The following INSC variants were observed in gnomAD, a reference collection of about 807,000 sequenced individuals.
INSC encodes the protein protein inscuteable homolog.
A neutral mutation model predicts 58.6 loss-of-function variants in INSC; 67 were observed. The ratio of observed to expected loss-of-function variants is 1.14; its 90% CI spans 0.94 to 1.40. The LOEUF is 1.40. INSC is among the 40% of genes most tolerant of loss of function. INSC has a pLI of 0.00. For synonymous variants in INSC, 262 were observed against 276.1 expected (o/e 0.95, Z 0.51); for missense variants, 714 against 692.0 (o/e 1.03, Z -0.36).
At chr11:15,151,424 A>G (rs1054607405) in intron 2 of INSC, among the ~76,000 whole-genome samples, 1 of 151,960 alleles carries the variant, frequency 6.6e-6, no homozygotes, top group Non-Finnish European at 1.5e-5. Flanking sequence ...TCTCCCTCCC[A>G]CCAGGTAGTG....
intron 7 of INSC, among the ~76,000 whole-genome samples, chr11:15,217,766 T>G (rs907145993): frequency 3.3e-5 from 5 of 151,948 alleles, no homozygotes; most frequent in Non-Finnish European, 7.4e-5. Flanking sequence ...ACAAACCAAA[T>G]CAAAGCAAAA....
intron 9 of INSC, among the ~76,000 whole-genome samples, chr11:15,227,274 G>A (rs772674573): frequency 6.6e-6 from 1 of 152,174 alleles, no homozygotes. Flanking sequence ...GGTCCTGCCT[G>A]GGCCATTTAT....
intron 1 of INSC, among the ~76,000 whole-genome samples, chr11:15,134,470 C>G (rs1848195582): frequency 1.3e-5 from 2 of 152,176 alleles, no homozygotes; most frequent in South Asian, 4.1e-4. Context: ...ATTGATAGGA[C>G]TTAAATGTTT....
At chr11:15,134,719 C>A (rs1156637756) in intron 1 of INSC, among the ~76,000 whole-genome samples, 1 of 152,148 alleles carries the variant, frequency 6.6e-6, no homozygotes, top group African/African-American at 2.4e-5. Context: ...GTTGCTATGA[C>A]CCCCCAATAT....
intron 12 of INSC, among the ~76,000 whole-genome samples, chr11:15,243,073 A>G (rs1852419482): frequency 6.6e-6 from 1 of 152,102 alleles, no homozygotes; most frequent in South Asian, 2.1e-4. Flanking sequence ...TTGTATATCC[A>G]TGGGACCTTG....
intron 1 of INSC, among the ~76,000 whole-genome samples, chr11:15,120,039 G>A (rs1294614680): frequency 6.6e-6 from 1 of 152,148 alleles, no homozygotes; most frequent in Non-Finnish European, 1.5e-5. Flanking sequence ...CTCATCCTTG[G>A]GCACACTGTG....
intron 12 of INSC, among the ~76,000 whole-genome samples, chr11:15,244,870 A>G (rs994850062): frequency 1.3e-5 from 2 of 152,176 alleles, no homozygotes; most frequent in African/African-American, 4.8e-5. Flanking sequence ...GAAGAAATTA[A>G]TATTTATCAA....
chr11:15,200,228 T>G (rs1171579828), intron 6 of INSC, among the ~76,000 whole-genome samples: 1 of 151,912 alleles, frequency 6.6e-6, no homozygotes, highest in African/African-American at 2.4e-5. Context: ...GATGTGAATT[T>G]AGGCTGAATT....
intron 5 of INSC, among the ~76,000 whole-genome samples, chr11:15,179,115 C>T (rs983548002): frequency 2.0e-5 from 3 of 152,170 alleles, no homozygotes; most frequent in Admixed American, 2.0e-4. Flanking sequence ...ACCATGGAGC[C>T]TCAGTTAAGT....
the INSC span, among the ~76,000 whole-genome samples, chr11:15,268,294 C>T: frequency 1.3e-5 from 2 of 152,126 alleles, no homozygotes; most frequent in African/African-American, 4.8e-5. Flanking sequence ...CTATTAATTA[C>T]AAAACTCAGA....
intron 1 of INSC, among the ~76,000 whole-genome samples, chr11:15,128,118 A>G (rs887917372): frequency 6.6e-6 from 1 of 152,048 alleles, no homozygotes; most frequent in African/African-American, 2.4e-5. Flanking sequence ...CAAAGTACAG[A>G]GTTGAAAAAA....
At chr11:15,242,979 C>T (rs1446766428) in intron 12 of INSC, among the ~76,000 whole-genome samples, 1 of 152,224 alleles carries the variant, frequency 6.6e-6, no homozygotes, top group Non-Finnish European at 1.5e-5. Flanking sequence ...GCACTGGTCT[C>T]CAGCACTGAC....
rs185681439 is a variant in INSC, at chr11:15,181,252, T to C, written c.579+2805T>C. Among the ~76,000 whole-genome samples, 108 of 152,354 alleles carry C rather than the reference T, an allele frequency of 7.1e-4. 1 individual carries two copies. The Middle Eastern group carries it at 0.014, about 19-fold the overall frequency. On this transcript the variant is annotated intron_variant, in intron 5 of 12. Coordinates refer to ENST00000379556, the MANE Select transcript of INSC (RefSeq NM_001042536.3). ...TAGAACAGTATCTGGCATAGAATGTTAAGCAACATATTCCAAACTTTCAGG... is the reference window on the plus strand; with the variant it reads ...TAGAACAGTATCTGGCATAGAATGTCAAGCAACATATTCCAAACTTTCAGG...
rs201102398 is a variant in INSC, at chr11:15,149,167, G to A, written c.-8G>A. On this transcript the variant is annotated 5_prime_UTR_variant, in exon 2 of 13. Transcript: ENST00000379556. Reference sequence around the variant, plus strand: ...TGCAAGCAGGCTTTGCTGCAGATTGGGATCAACATGATGGCACTGCCTGGA... The same window carrying A: ...TGCAAGCAGGCTTTGCTGCAGATTGAGATCAACATGATGGCACTGCCTGGA... The A allele has an allele frequency of 2.5e-6, 4 of 1,611,220 alleles. No individual in the cohort carries two copies. Among genetic ancestry groups the A allele is most frequent in the Non-Finnish European group, 3.4e-6 (4 of 1,178,882 alleles).
At chr11:15,112,556 G>C (rs781479440), upstream of INSC, 5 of 1,606,388 alleles carry the variant, frequency 3.1e-6, no homozygotes, top group East Asian at 1.1e-4. Flanking sequence ...CCAGGAGGCT[G>C]TGCTGTGCCG....
chr11:15,226,441 A>C (rs11822797), intron 9 of INSC, among the ~76,000 whole-genome samples: 13,510 of 152,240 alleles, frequency 0.089, 1,124 homozygotes, highest in African/African-American at 0.22. Flanking sequence ...TTGAAAACAT[A>C]GAATGGGGGT....
At chr11:15,162,304 G>A (rs1393079583) in intron 2 of INSC, among the ~76,000 whole-genome samples, 1 of 152,068 alleles carries the variant, frequency 6.6e-6, no homozygotes, top group African/African-American at 2.4e-5. Context: ...TCTCCATACT[G>A]TGTCTCAAAC....
chr11:15,172,735 G>A (rs1017307496), intron 2 of INSC, among the ~76,000 whole-genome samples: 5 of 152,164 alleles, frequency 3.3e-5, no homozygotes, highest in African/African-American at 9.7e-5. Context: ...TGGTATGTTC[G>A]GGAAATGGGG....
chr11:15,194,397 G>T (rs1004113568), intron 6 of INSC, among the ~76,000 whole-genome samples: 2 of 152,120 alleles, frequency 1.3e-5, no homozygotes, highest in Non-Finnish European at 2.9e-5. Context: ...CCAGATACTT[G>T]TGCCCTACCC....
Sources: allele counts gnomAD v4.1 joint callset (sites outside exome capture counted in the v4.1 genomes callset), GRCh38; gene constraint gnomAD v4.1.1; transcripts MANE v1.5; gene names NCBI Gene and HGNC (gene_info 2026-07-23, HGNC 2026-07-21).